DMD: variants seen among roughly 807,000 people sequenced by gnomAD.
The protein encoded by DMD is mutant dystrophin.
DMD carries 63 observed loss-of-function variants against 330.1 expected under a neutral mutation model. The observed-to-expected ratio is 0.19, with a 90% CI of 0.16 to 0.24. The LOEUF is 0.24. Ranked by LOEUF, DMD falls within the 10% of genes least tolerant of loss-of-function variation. The pLI is 1.00. For missense variants in DMD, 3,344 were observed against 2,684.1 expected, an observed-to-expected ratio of 1.25 and a Z score of -5.43; for synonymous variants, 1,223 against 959.8, an observed-to-expected ratio of 1.27 and a Z score of -5.07.
At chrX:31,590,568 A>G (rs1030839234) in intron 55 of DMD, among the ~76,000 whole-genome samples, 2 of 109,220 alleles carry the variant, frequency 1.8e-5, no homozygotes, top group Non-Finnish European at 3.8e-5. Context: ...TTCATTCTAG[A>G]TATGAATTTT....
At chrX:31,623,470 G>A (rs947341979) in intron 55 of DMD, among the ~76,000 whole-genome samples, 1 of 110,781 alleles carries the variant, frequency 9.0e-6, no homozygotes, top group African/African-American at 3.3e-5. Context: ...TCACCTTGTG[G>A]CCAGGATGGT....
intron 53 of DMD, among the ~76,000 whole-genome samples, chrX:31,668,554 T>C (rs1361385508): frequency 9.0e-6 from 1 of 111,431 alleles, no homozygotes; most frequent in East Asian, 2.8e-4. Flanking sequence ...CACTGTGGAA[T>C]GATTATATCG....
intron 44 of DMD, among the ~76,000 whole-genome samples, chrX:32,126,771 T>C (rs1603626489): frequency 8.9e-6 from 1 of 111,836 alleles, no homozygotes; most frequent in African/African-American, 3.3e-5. Flanking sequence ...GTTGTGGTTT[T>C]AGGGACCCTT....
chrX:32,771,183 C>T (rs909576514), intron 7 of DMD, among the ~76,000 whole-genome samples: 3 of 111,865 alleles, frequency 2.7e-5, no homozygotes, highest in African/African-American at 9.7e-5. Context: ...GCTTTATCTC[C>T]AGTGAAACAC....
chrX:31,429,874 T>C lies in DMD; in HGVS notation c.9084+14607A>G, dbSNP rs927596389. ...TTAGTGTGGTCAAATTTTAAGAAGG[T>C]TTTTTTTTTTTTTAAGTTGAGATTT... On this transcript the variant is annotated intron_variant, in intron 60 of 78. Transcript: ENST00000357033. Among the ~76,000 whole-genome samples the C allele has an allele frequency of 6.4e-5, 6 of 93,173 alleles. No individual in the cohort carries two copies. In the Admixed American group the frequency reaches 6.8e-4, roughly 10 times the overall value. The allele number at this position is 93,173 out of a possible 115,157, so 80.9% of individuals were successfully genotyped here.
At chrX:33,236,205 T>A (rs993598238) in intron 1 of DMD, among the ~76,000 whole-genome samples, 6 of 107,533 alleles carry the variant, frequency 5.6e-5, no homozygotes, top group Admixed American at 1.0e-4. Context: ...TGTGAGCCAC[T>A]GCGCCTGTCC....
chrX:32,173,434 G>A (rs1038548251), intron 44 of DMD, among the ~76,000 whole-genome samples: 52 of 110,809 alleles, frequency 4.7e-4, no homozygotes, highest in South Asian at 7.8e-4. Flanking sequence ...GTGCAGTGGC[G>A]CGATCTCGGC....
intron 34 of DMD, among the ~76,000 whole-genome samples, chrX:32,365,881 C>T (rs906509146): frequency 6.3e-5 from 7 of 111,510 alleles, no homozygotes; most frequent in African/African-American, 1.6e-4. Flanking sequence ...GTCTGGAACA[C>T]GTTATAAAAG....
Position 32,464,569 on chromosome X carries a change from T to A in DMD, c.3276+17A>T, listed in dbSNP as rs184220727. On this transcript the variant is annotated intron_variant, in intron 24 of 78. Transcript: ENST00000357033. ...TACAAAATTATTCATATTAAAGGCA[T>A]CATATAAAAATCTTACTCTGCACTG... 6.5e-4 allele frequency: 695 copies of A among 1,074,520 alleles called. 2 individuals carry two copies. In the African/African-American group the frequency reaches 0.011, roughly 17 times the overall value. 88.6% of individuals were successfully genotyped at this position (1,074,520 alleles called of 1,213,427 possible).
intron 2 of DMD, among the ~76,000 whole-genome samples, chrX:32,962,179 G>T (rs2091925377): frequency 9.0e-6 from 1 of 111,640 alleles, no homozygotes; most frequent in Admixed American, 9.5e-5. Context: ...ATTGAAAAAT[G>T]CTAAAAATAC....
Position 31,507,427 on chromosome X carries a change from G to A in DMD, c.8244C>T (p.His2748=). 8.3e-7 allele frequency: 1 copy of A among 1,208,576 alleles called. No individual in the cohort carries two copies. ...WQDLQGEIEA[H]TDVYHNLDEN... ...CATCCAGGTTGTGATAAACATCTGTGTGAGCTTCAATTTCACCTTGGAGGT... is the reference window on the plus strand; with the variant it reads ...CATCCAGGTTGTGATAAACATCTGTATGAGCTTCAATTTCACCTTGGAGGT... The change falls in exon 56 of 79, where the codon CAC becomes CAT. Residue 2748 remains histidine, a synonymous_variant. Coordinates refer to ENST00000357033, the MANE Select transcript of DMD (RefSeq NM_004006.3).
At chrX:33,028,274 G>T (rs745613445) in intron 1 of DMD, among the ~76,000 whole-genome samples, 49 of 111,651 alleles carry the variant, frequency 4.4e-4, no homozygotes, top group Admixed American at 1.5e-3. Flanking sequence ...ATTATATGTG[G>T]AGTTAGGGGA....
intron 2 of DMD, among the ~76,000 whole-genome samples, chrX:32,932,982 A>G (rs1398326244): frequency 9.0e-6 from 1 of 111,668 alleles, no homozygotes; most frequent in African/African-American, 3.3e-5. Flanking sequence ...AACCATCTCC[A>G]GGATATGGAA....
intron 1 of DMD, among the ~76,000 whole-genome samples, chrX:33,092,064 G>A (rs1200281737): frequency 4.5e-5 from 5 of 111,254 alleles, no homozygotes; most frequent in Non-Finnish European, 9.4e-5. Flanking sequence ...ACTCTCTTTT[G>A]TGTTTTATTT....
At chrX:32,243,681 TTAATG>T (rs1346558922) in intron 43 of DMD, among the ~76,000 whole-genome samples, 1 of 111,672 alleles carries the variant, frequency 9.0e-6, no homozygotes, top group African/African-American at 3.2e-5. Flanking sequence ...TATATTTCAT[TTAATG>T]TAAGTTACCA....
chrX:31,379,991 C>T (rs1380395742), intron 60 of DMD, among the ~76,000 whole-genome samples: 1 of 111,523 alleles, frequency 9.0e-6, no homozygotes, highest in Non-Finnish European at 1.9e-5. Flanking sequence ...TGCCCGATTG[C>T]CTCAGAAGCC....
At chrX:32,416,046 A>G (rs2098164850) in intron 29 of DMD, among the ~76,000 whole-genome samples, 1 of 112,273 alleles carries the variant, frequency 8.9e-6, no homozygotes. Flanking sequence ...CAATATTACA[A>G]ACACATAAAT....
intron 2 of DMD, among the ~76,000 whole-genome samples, chrX:32,922,022 G>T (rs1226032822): frequency 5.4e-5 from 6 of 110,919 alleles, no homozygotes; most frequent in South Asian, 7.7e-4. Flanking sequence ...AAGGAGAAAA[G>T]CTACCTCATG....
chrX:32,094,510 C>T (rs2096493834), intron 44 of DMD, among the ~76,000 whole-genome samples: 1 of 111,108 alleles, frequency 9.0e-6, no homozygotes, highest in South Asian at 3.7e-4. Flanking sequence ...TCTCAATACA[C>T]AAAACAGATA....
Sources: gnomAD v4.1 joint callset for allele counts (sites outside exome capture counted in the v4.1 genomes callset) on GRCh38, gnomAD v4.1.1 for gene constraint, MANE v1.5 for transcripts, NCBI Gene and HGNC (gene_info 2026-07-23, HGNC 2026-07-21) for gene names.